RBM6: variants seen among roughly 807,000 people sequenced by gnomAD.
The protein encoded by RBM6 is RNA-binding protein 6.
A neutral mutation model predicts 140.4 loss-of-function variants in RBM6; 23 were observed. That is an observed-to-expected ratio of 0.16 (90% CI 0.12 to 0.23). The LOEUF is 0.23. Among genes scored for constraint, RBM6 ranks in the 10% least tolerant of loss-of-function variants. The pLI, the probability that RBM6 is intolerant of heterozygous loss-of-function variation, is 1.00. For missense variants in RBM6, 1,139 were observed against 1,386.7 expected (o/e 0.82, Z 2.84); for synonymous variants, 439 against 475.6 (o/e 0.92, Z 1.00).
At chr3:49,976,412 A>T (rs1321463494) in intron 5 of RBM6, among the ~76,000 whole-genome samples, 1 of 152,194 alleles carries the variant, frequency 6.6e-6, no homozygotes, top group Non-Finnish European at 1.5e-5. Context: ...GCTCAGAAGT[A>T]TTATTTCTCA....
intron 1 of RBM6, among the ~76,000 whole-genome samples, chr3:49,961,473 G>A (rs1324799483): frequency 6.6e-6 from 1 of 151,550 alleles, no homozygotes; most frequent in Non-Finnish European, 1.5e-5. Context: ...ATGAGCCACC[G>A]TGCCCGACCC....
chr3:49,954,005 GCA>G lies in RBM6; in HGVS notation c.-66-8568_-66-8567del, dbSNP rs1271531914. Among the ~76,000 whole-genome samples the G allele has an allele frequency of 2.0e-5, 3 of 152,080 alleles. No individual in the cohort carries two copies. The East Asian group carries it at 5.8e-4, about 30-fold the overall frequency. On this transcript the variant is annotated intron_variant, in intron 1 of 20. Coordinates refer to ENST00000266022, the MANE Select transcript of RBM6 (RefSeq NM_005777.3). Reference sequence around the variant, plus strand: ...AAAAAAATTAGCCGAGCATGGTAGTGCACATTTGTAGTCCCAGCTACTCAGGA... The same window carrying G: ...AAAAAAATTAGCCGAGCATGGTAGTGCATTTGTAGTCCCAGCTACTCAGGA...
rs1033280709 is a variant in RBM6 at position 49,973,841 on chromosome 3, C to T, written c.1414-1482C>T. 2.4e-4 allele frequency among the ~76,000 whole-genome samples: 37 copies of T among 152,090 alleles called. No individual in the cohort carries two copies. The East Asian group carries it at 6.4e-3, about 26-fold the overall frequency. On this transcript the variant is annotated intron_variant, in intron 4 of 20. Transcript: ENST00000266022. The stretch of plus-strand genomic sequence containing the variant: ...CCTCAAGTGATCCACCCGCCTCGGC[C>T]TCTCAAAGTGCTGAGATTACACGCA...
intron 3 of RBM6, among the ~76,000 whole-genome samples, chr3:49,971,772 A>G (rs2084805732): frequency 6.6e-6 from 1 of 152,054 alleles, no homozygotes; most frequent in Non-Finnish European, 1.5e-5. Flanking sequence ...TTTTGAGACT[A>G]TGTTAGTGTG....
intron 1 of RBM6, among the ~76,000 whole-genome samples, chr3:49,947,273 G>A (rs1292105066): frequency 2.9e-4 from 27 of 94,718 alleles, no homozygotes; most frequent in Non-Finnish European, 6.0e-4. Context: ...GGGGGGGGGG[G>A]GGGGTTTTGA....
chr3:49,958,700 G>A (rs1416218278), intron 1 of RBM6, among the ~76,000 whole-genome samples: 1 of 149,978 alleles, frequency 6.7e-6, no homozygotes, highest in Admixed American at 6.6e-5. Flanking sequence ...GCAGTGAGCC[G>A]AGATCGCTCA....
At chr3:50,007,709 A>G (rs573521133) in intron 6 of RBM6, among the ~76,000 whole-genome samples, 134 of 149,710 alleles carry the variant, frequency 9.0e-4, no homozygotes, top group Non-Finnish European at 1.4e-3. Context: ...ATTTTTTTGT[A>G]TTTTTAGTAG....
chr3:50,061,059 T>C (rs1271418275), intron 12 of RBM6, 61 bp downstream of exon 12: 21 of 1,606,554 alleles, frequency 1.3e-5, no homozygotes, highest in Non-Finnish European at 1.6e-5. Context: ...AAGGGTGATC[T>C]TGAATTTTCT....
At chr3:49,942,172 A>C (rs1414018035) in intron 1 of RBM6, among the ~76,000 whole-genome samples, 3 of 152,012 alleles carry the variant, frequency 2.0e-5, no homozygotes, top group Non-Finnish European at 4.4e-5. Flanking sequence ...ATTTTAACAA[A>C]ATTTGCTCTT....
intron 6 of RBM6, among the ~76,000 whole-genome samples, chr3:50,019,909 C>T (rs373832168): frequency 2.0e-5 from 3 of 150,850 alleles, no homozygotes; most frequent in Admixed American, 1.3e-4. Context: ...TGATGGATTA[C>T]ATTAATTGAT....
chr3:50,008,841 G>A (rs186536282), intron 6 of RBM6, among the ~76,000 whole-genome samples: 30 of 152,260 alleles, frequency 2.0e-4, no homozygotes, highest in African/African-American at 6.5e-4. Context: ...GTGAGCCACC[G>A]TGCCTGGCCT....
chr3:50,061,357 G>A (rs1050014193), intron 13 of RBM6, 105 bp from the exon 14 acceptor site: 17 of 1,579,540 alleles, frequency 1.1e-5, no homozygotes, highest in Non-Finnish European at 1.5e-5. Flanking sequence ...ATCTGTAGAT[G>A]CACCTATTTG....
At chr3:50,013,439 G>A (rs2086959188) in intron 6 of RBM6, among the ~76,000 whole-genome samples, 1 of 152,184 alleles carries the variant, frequency 6.6e-6, no homozygotes, top group South Asian at 2.1e-4. Flanking sequence ...CAGAGGCCGA[G>A]GGAGGCGGAT....
In RBM6 at chr3:50,054,947, T is replaced by C. The variant is rs375576616; in HGVS notation, c.1693+552T>C. Reference sequence around the variant, plus strand: ...CACGCTGTTCTCCTGCCTCAGCCTCTCTAGTAGCTGGGACTATAGGCGCCC... The same window carrying C: ...CACGCTGTTCTCCTGCCTCAGCCTCCCTAGTAGCTGGGACTATAGGCGCCC... On this transcript the variant is annotated intron_variant, in intron 8 of 20. Coordinates refer to ENST00000266022, the MANE Select transcript of RBM6 (RefSeq NM_005777.3). Among the ~76,000 whole-genome samples the C allele has an allele frequency of 1.2e-4, 18 of 152,164 alleles. No homozygotes were observed. The East Asian group carries it at 2.3e-3, about 20-fold the overall frequency.
intron 7 of RBM6, 182 bp from the exon 8 acceptor site, chr3:50,054,153 G>A (rs897472694): frequency 3.7e-5 from 21 of 567,380 alleles, no homozygotes; most frequent in Middle Eastern, 9.4e-4. Flanking sequence ...CTCTCAAACA[G>A]TAGCTCATCA....
chr3:50,032,091 G>T (rs915871055), intron 6 of RBM6, among the ~76,000 whole-genome samples: 1 of 152,188 alleles, frequency 6.6e-6, no homozygotes, highest in Non-Finnish European at 1.5e-5. Context: ...GAGGGCTGCA[G>T]AACGTCTTTA....
intron 5 of RBM6, among the ~76,000 whole-genome samples, chr3:49,991,272 A>G (rs144054144): frequency 1.3e-5 from 2 of 152,182 alleles, no homozygotes; most frequent in African/African-American, 4.8e-5. Context: ...CAGCATGTAG[A>G]TGTATTCACC....
At chr3:49,981,372 C>T (rs192247633) in intron 5 of RBM6, among the ~76,000 whole-genome samples, 1 of 152,282 alleles carries the variant, frequency 6.6e-6, no homozygotes, top group African/African-American at 2.4e-5. Context: ...CCATCCTAAA[C>T]CTACTGAATC....
intron 5 of RBM6, among the ~76,000 whole-genome samples, chr3:49,986,642 ACT>A (rs2085573107): frequency 6.6e-6 from 1 of 150,892 alleles, no homozygotes. Context: ...ATTAAACCAT[ACT>A]CTCTAACTGT....
Sources: gnomAD v4.1 joint callset for allele counts (sites outside exome capture counted in the v4.1 genomes callset) on GRCh38, gnomAD v4.1.1 for gene constraint, MANE v1.5 for transcripts, NCBI Gene and HGNC (gene_info 2026-07-23, HGNC 2026-07-21) for gene names.